Variants in PARD3B observed in about 807,000 individuals in gnomAD.
The protein encoded by PARD3B is partitioning defective 3 homolog B.
Under a neutral mutation model 130.2 loss-of-function variants are expected in PARD3B, and 103 were observed. The ratio of observed to expected loss-of-function variants is 0.79; its 90% CI spans 0.67 to 0.93. The LOEUF is 0.93. Among genes scored for constraint, PARD3B ranks in the 40% least tolerant of loss-of-function variants. The probability of loss-of-function intolerance (pLI) is 0.00; values close to 1 mark genes in which losing one functional copy is unlikely to be tolerated. For synonymous variants in PARD3B, 583 were observed against 553.2 expected, an observed-to-expected ratio of 1.05 and a Z score of -0.76; for missense variants, 1,609 against 1,499.2, an observed-to-expected ratio of 1.07 and a Z score of -1.21.
rs537474713 is a variant in PARD3B, at chr2:205,011,750, A to G, written c.395-35831A>G. Reference sequence around the variant, plus strand: ...TAGGGAACCTAGCTTGGAAATAAAGAAGGGGTCTCACCATTCAGTATTTGA... The same window carrying G: ...TAGGGAACCTAGCTTGGAAATAAAGGAGGGGTCTCACCATTCAGTATTTGA... On this transcript the variant is annotated intron_variant, in intron 3 of 22. Coordinates refer to ENST00000406610, the MANE Select transcript of PARD3B (RefSeq NM_001302769.2). The surrounding 1 kb of genome is among the most constrained non-coding windows in gnomAD (Gnocchi z 4.1). Among the ~76,000 whole-genome samples the G allele has an allele frequency of 6.6e-6, 1 of 151,834 alleles. No homozygotes were observed.
At chr2:205,329,569 G>A (rs2043042064) in intron 18 of PARD3B, among the ~76,000 whole-genome samples, 1 of 152,218 alleles carries the variant, frequency 6.6e-6, no homozygotes, top group African/African-American at 2.4e-5. Flanking sequence ...GAAAGTAAGT[G>A]TAATGACAGA....
chr2:205,555,276 T>C (rs2052830460), intron 22 of PARD3B, among the ~76,000 whole-genome samples: 1 of 152,150 alleles, frequency 6.6e-6, no homozygotes, highest in Admixed American at 6.5e-5. Context: ...ATTCATTCAT[T>C]CACCTTGTAT....
At chr2:204,596,926 CTCTCTCTCTCTCTATCTG>C (rs1207125321) in intron 1 of PARD3B, among the ~76,000 whole-genome samples, 3 of 151,684 alleles carry the variant, frequency 2.0e-5, no homozygotes, top group African/African-American at 7.3e-5. Context: ...CACTCTCTCT[CTCTCTCTCTCTCTATCTG>C]TCTCTCTCTC....
In PARD3B at chr2:204,556,615, C is replaced by T. The variant is rs375809193; in HGVS notation, c.120+10496C>T. Among the ~76,000 whole-genome samples the T allele has an allele frequency of 1.4e-3, 213 of 152,172 alleles. 1 individual carries two copies. The South Asian group carries it at 0.033, about 23-fold the overall frequency. Reference sequence around the variant, plus strand: ...GGGAGTTGTGAAAAGTTGAGCGTAGCCTGGAGAGGAGTGGGTGCACACACT... The same window carrying T: ...GGGAGTTGTGAAAAGTTGAGCGTAGTCTGGAGAGGAGTGGGTGCACACACT... On this transcript the variant is annotated intron_variant, in intron 1 of 22. Coordinates refer to ENST00000406610, the MANE Select transcript of PARD3B (RefSeq NM_001302769.2).
At chr2:205,172,541 AG>A (rs1307585494) in intron 12 of PARD3B, among the ~76,000 whole-genome samples, 160 bp downstream of exon 12, 1 of 152,232 alleles carries the variant, frequency 6.6e-6, no homozygotes, top group Non-Finnish European at 1.5e-5. Context: ...TATAATAGAA[AG>A]GTGTAAAAAT....
intron 18 of PARD3B, among the ~76,000 whole-genome samples, chr2:205,346,814 G>A (rs2043809565): frequency 6.6e-6 from 1 of 152,152 alleles, no homozygotes; most frequent in South Asian, 2.1e-4. Flanking sequence ...AATAAGGAAT[G>A]ACTATGTGTT....
At chr2:204,670,980 C>T (rs1478288799) in intron 1 of PARD3B, among the ~76,000 whole-genome samples, 1 of 152,114 alleles carries the variant, frequency 6.6e-6, no homozygotes, top group Non-Finnish European at 1.5e-5. Context: ...AGCCCTTCTT[C>T]ATTGTCCTGA....
intron 6 of PARD3B, among the ~76,000 whole-genome samples, chr2:205,114,122 A>G (rs1376674073): frequency 3.9e-5 from 6 of 152,134 alleles, no homozygotes; most frequent in Non-Finnish European, 8.8e-5. Flanking sequence ...AAAATAATTT[A>G]CCACATCCTT....
intron 1 of PARD3B, among the ~76,000 whole-genome samples, chr2:204,557,559 T>C (rs2031011239): frequency 6.6e-6 from 1 of 152,202 alleles, no homozygotes; most frequent in South Asian, 2.1e-4. Context: ...ATAGTGTAGA[T>C]ACTATAAATG....
Position 204,545,986 on chromosome 2 carries a change from C to A in PARD3B, c.-14C>A. ...CCTGTTCGGCCCGGCCCGGCGTGGT[C>A]GCCGGGGGCCAGGATGAAAGTGACC... On this transcript the variant is annotated 5_prime_UTR_variant, in exon 1 of 23. Coordinates refer to ENST00000406610, the MANE Select transcript of PARD3B (RefSeq NM_001302769.2). The A allele has an allele frequency of 6.4e-7, 1 of 1,551,082 alleles. No individual in the cohort carries two copies. The highest frequency in any genetic ancestry group is 1.2e-5 in the South Asian group (1 of 84,284).
chr2:204,682,548 T>C (rs2036884398), intron 1 of PARD3B, among the ~76,000 whole-genome samples: 1 of 152,330 alleles, frequency 6.6e-6, no homozygotes, highest in South Asian at 2.1e-4. Flanking sequence ...CATTTGACCA[T>C]TGCTGTTGTG....
chr2:205,450,787 T>C (rs953203202), intron 20 of PARD3B, among the ~76,000 whole-genome samples: 1 of 152,206 alleles, frequency 6.6e-6, no homozygotes, highest in African/African-American at 2.4e-5. Flanking sequence ...AACAGGCAGA[T>C]TCTGTTAGAT....
At chr2:204,644,200 T>C (rs138415677) in intron 1 of PARD3B, among the ~76,000 whole-genome samples, 5 of 152,350 alleles carry the variant, frequency 3.3e-5, no homozygotes, top group South Asian at 2.1e-4. Flanking sequence ...TCCTCTAAAG[T>C]TGAAATTATG....
At chr2:205,404,118 A>T (rs567748594) in intron 19 of PARD3B, among the ~76,000 whole-genome samples, 2 of 152,340 alleles carry the variant, frequency 1.3e-5, no homozygotes, top group East Asian at 3.9e-4. Flanking sequence ...AATATTTTAT[A>T]ATCTTTTTTT....
At chr2:205,527,022 A>G (rs1036604435) in intron 21 of PARD3B, among the ~76,000 whole-genome samples, 7 of 152,212 alleles carry the variant, frequency 4.6e-5, no homozygotes, top group Non-Finnish European at 8.8e-5. Context: ...AAGAAGTCAA[A>G]TGAGAGGTTT....
intron 5 of PARD3B, among the ~76,000 whole-genome samples, chr2:205,113,061 C>G (rs756449974): frequency 7.2e-5 from 11 of 152,162 alleles, no homozygotes; most frequent in Admixed American, 2.6e-4. Flanking sequence ...CATTTTTCCT[C>G]TGTTCCAGAG....
chr2:205,445,831 G>T (rs1156823025), intron 20 of PARD3B, among the ~76,000 whole-genome samples: 2 of 152,198 alleles, frequency 1.3e-5, no homozygotes, highest in African/African-American at 4.8e-5. Context: ...TGCATGAGCT[G>T]CATGACTTAT....
intron 2 of PARD3B, among the ~76,000 whole-genome samples, chr2:204,853,346 C>T (rs1006441369): frequency 1.3e-5 from 2 of 152,074 alleles, no homozygotes; most frequent in Admixed American, 1.3e-4. Flanking sequence ...GTGGATGTCC[C>T]ACTTGGGCTG....
At chr2:205,062,847 T>C (rs573259600) in intron 4 of PARD3B, among the ~76,000 whole-genome samples, 33 of 152,254 alleles carry the variant, frequency 2.2e-4, no homozygotes, top group Non-Finnish European at 4.4e-4. Context: ...CTTATATCTA[T>C]GTCTGTATAA....
Sources: gnomAD v4.1 joint callset for allele counts (sites outside exome capture counted in the v4.1 genomes callset) on GRCh38, gnomAD v4.1.1 for gene constraint, Gnocchi (gnomAD v3.1) non-coding constraint, MANE v1.5 for transcripts, NCBI Gene and HGNC (gene_info 2026-07-23, HGNC 2026-07-21) for gene names.